Variants in XRCC1 observed in about 807,000 individuals in gnomAD.
The protein encoded by XRCC1 is X-ray repair cross complementing 1.
XRCC1 carries 52 observed loss-of-function variants against 83.3 expected under a neutral mutation model. The observed-to-expected ratio is 0.62, with a 90% CI of 0.50 to 0.79. The LOEUF (loss-of-function observed/expected upper bound fraction) is 0.79, where lower values mean the gene tolerates loss of function less well. XRCC1 is among the 30% of genes least tolerant of loss of function. XRCC1 has a pLI of 0.00. For missense variants in XRCC1, 793 were observed against 823.5 expected (o/e 0.96, Z 0.45); for synonymous variants, 281 against 312.6 (o/e 0.90, Z 1.07).
chr19:43,560,256 C>T (rs980917345), intron 3 of XRCC1, among the ~76,000 whole-genome samples: 1 of 150,226 alleles, frequency 6.7e-6, no homozygotes, highest in Non-Finnish European at 1.5e-5. Flanking sequence ...GTTAGCCGGG[C>T]GTGGTGGTGG....
intron 3 of XRCC1, among the ~76,000 whole-genome samples, chr19:43,558,445 G>A (rs955478126): frequency 2.6e-5 from 4 of 152,040 alleles, no homozygotes; most frequent in Non-Finnish European, 4.4e-5. Context: ...AGACCAGCCT[G>A]GGCAACACAG....
intron 10 of XRCC1, among the ~76,000 whole-genome samples, chr19:43,550,521 C>T (rs1201061253): frequency 6.6e-6 from 1 of 152,180 alleles, no homozygotes; most frequent in Non-Finnish European, 1.5e-5. Context: ...CAAATAATTT[C>T]TCAAATACAC....
chr19:43,546,949 T>C lies in XRCC1; in HGVS notation c.1228A>G (p.Ser410Gly), dbSNP rs1972518552. ...CTGTGAGAGGCCTCATCCTCCTCAC[T>C]GCTGGAACCTGGCCCTGCCATGAGG... is the stretch of plus-strand genomic sequence containing the variant. ...RYLMAGPGSS[S>G]EEDEASHSGG... Residue 410 changes from serine to glycine, a missense_variant, in exon 11 of 17, where the codon AGT (serine) becomes GGT (glycine). Coordinates refer to ENST00000262887, the MANE Select transcript of XRCC1 (RefSeq NM_006297.3). 1.2e-6 allele frequency: 2 copies of C among 1,613,990 alleles called. No individual in the cohort carries two copies. The highest frequency in any genetic ancestry group is 1.7e-6 in the Non-Finnish European group (2 of 1,179,990).
rs890838897 is a variant in XRCC1, at chr19:43,544,333, T to C, written c.1622-99A>G. On this transcript the variant is annotated intron_variant, in intron 14 of 16. Transcript: ENST00000262887. ...CTGACCCAGCAGCTGAGGAGAGGGC[T>C]GTCCACATGTGGGCAGGGATTGATG... 5.9e-6 allele frequency: 6 copies of C among 1,010,150 alleles called. No homozygotes were observed. The Admixed American group carries it at 1.3e-4, about 22-fold the overall frequency. The allele number at this position is 1,010,150 out of a possible 1,614,324, so 62.6% of individuals were successfully genotyped here.
At chr19:43,546,844 T>G in intron 11 of XRCC1, 40 bp downstream of exon 11, 1 of 1,609,160 alleles carries the variant, frequency 6.2e-7, no homozygotes, top group Non-Finnish European at 8.5e-7. Context: ...CATGTCATCC[T>G]CCCACTACAC....
intron 3 of XRCC1, among the ~76,000 whole-genome samples, chr19:43,556,027 T>C (rs1240437494): frequency 3.3e-5 from 5 of 152,152 alleles, no homozygotes; most frequent in African/African-American, 1.2e-4. Context: ...TAGCTGGGTC[T>C]AGAGATGCAC....
In XRCC1 at chr19:43,554,396, C is replaced by T. The variant is rs373678187; in HGVS notation, c.414+250G>A. Reference sequence around the variant, plus strand: ...CTACTAGGCCACCTCTCTAACAAGTCAGTTCCCCTCCTCCGATTCCCCTCT... The same window carrying T: ...CTACTAGGCCACCTCTCTAACAAGTTAGTTCCCCTCCTCCGATTCCCCTCT... On this transcript the variant is annotated intron_variant, in intron 4 of 16. Transcript: ENST00000262887. 7.9e-5 allele frequency among the ~76,000 whole-genome samples: 12 copies of T among 152,312 alleles called. No homozygotes were observed. The East Asian group carries it at 1.3e-3, about 17-fold the overall frequency.
chr19:43,560,109 G>A (rs1203683812), intron 3 of XRCC1, among the ~76,000 whole-genome samples: 4 of 151,754 alleles, frequency 2.6e-5, no homozygotes, highest in Non-Finnish European at 5.9e-5. Flanking sequence ...AGAAAAAGAA[G>A]GCCAGGCGCA....
chr19:43,544,350 G>A (rs902209026), intron 14 of XRCC1, 116 bp from the exon 15 acceptor site: 1 of 860,318 alleles, frequency 1.2e-6, no homozygotes, highest in Non-Finnish European at 1.8e-6. Flanking sequence ...ATGTGGGCAG[G>A]GATTGATGGC....
chr19:43,543,341 C>CGTTT lies in XRCC1; in HGVS notation c.*50_*51insAAAC, dbSNP rs141718622. 3 of 1,043,318 alleles carry CGTTT rather than the reference C, an allele frequency of 2.9e-6. No homozygotes were observed. The African/African-American group carries it at 5.3e-5, about 19-fold the overall frequency. The allele number at this position is 1,043,318 out of a possible 1,614,324, so 64.6% of individuals were successfully genotyped here. A position where few individuals can be genotyped will look rare whatever the true frequency, so the allele number is the denominator to read the frequency against. On this transcript the variant is annotated 3_prime_UTR_variant, in exon 17 of 17. Coordinates refer to ENST00000262887, the MANE Select transcript of XRCC1 (RefSeq NM_006297.3). ...ACCAACTCATCTTTATTAAATGCAT[C>CGTTT]GTGTGTGTGTGTGTGTGTGTGTGTG... is the stretch of plus-strand genomic sequence containing the variant.
At chr19:43,559,429 G>C (rs752571895) in intron 3 of XRCC1, among the ~76,000 whole-genome samples, 49 of 126,996 alleles carry the variant, frequency 3.9e-4, no homozygotes, top group Non-Finnish European at 7.4e-4. Context: ...GCAGTGAGCC[G>C]AGATCGCGCC....
intron 2 of XRCC1, among the ~76,000 whole-genome samples, chr19:43,561,512 C>T (rs1224313124): frequency 6.6e-6 from 1 of 152,194 alleles, no homozygotes; most frequent in East Asian, 1.9e-4. Flanking sequence ...TATGACCATA[C>T]CAGTTAACCT....
intron 2 of XRCC1, among the ~76,000 whole-genome samples, chr19:43,569,014 T>C (rs1179090874): frequency 2.0e-5 from 3 of 149,938 alleles, no homozygotes; most frequent in Non-Finnish European, 4.4e-5. Flanking sequence ...TGTGGTGGTG[T>C]GCACCTATAG....
intron 2 of XRCC1, among the ~76,000 whole-genome samples, chr19:43,569,288 C>T (rs1464649221): frequency 6.6e-6 from 1 of 151,906 alleles, no homozygotes; most frequent in Non-Finnish European, 1.5e-5. Context: ...GCCTAGACAA[C>T]ACAGTGAGAC....
At chr19:43,569,128 A>G (rs1256680887) in intron 2 of XRCC1, among the ~76,000 whole-genome samples, 1 of 152,002 alleles carries the variant, frequency 6.6e-6, no homozygotes, top group Non-Finnish European at 1.5e-5. Flanking sequence ...AAAATCAAAT[A>G]TAAATAAATA....
At position 43,575,507 on chromosome 19, in the gene XRCC1, G is replaced by GCA. The variant is rs1344587755; in HGVS notation, c.-50_-49insTG. ...GCCAGAAGGATGAGGTAGAGTATGG[G>GCA]GTCCGAGGGGCAGGGAGAGTGGGAG... is the stretch of plus-strand genomic sequence containing the variant. On this transcript the variant is annotated 5_prime_UTR_variant, in exon 1 of 17. Coordinates refer to ENST00000262887, the MANE Select transcript of XRCC1 (RefSeq NM_006297.3). The GCA allele has an allele frequency of 6.3e-7, 1 of 1,592,940 alleles. No homozygotes were observed. Among genetic ancestry groups the GCA allele is most frequent in the Non-Finnish European group, 8.6e-7 (1 of 1,164,810 alleles).
chr19:43,544,151 A>G lies in XRCC1; in HGVS notation c.1705T>C (p.Phe569Leu), dbSNP rs1276652862. ...RRKLIRYVTA[F>L]NGELEDYMSD... ...CAGTCCCTGGAGACTCACCCATTGA[A>G]GGCTGTGACGTATCGGATGAGTTTC... The change falls in exon 15 of 17, where the codon TTC becomes CTC. Residue 569 changes from phenylalanine (F) to leucine (L), a missense_variant. By Grantham distance (22) the Phe-to-Leu change is conservative. Coordinates refer to ENST00000262887, the MANE Select transcript of XRCC1 (RefSeq NM_006297.3). 9 of 1,607,610 alleles carry G rather than the reference A, an allele frequency of 5.6e-6. No individual in the cohort carries two copies. The highest frequency in any genetic ancestry group is 7.6e-6 in the Non-Finnish European group (9 of 1,177,102).
chr19:43,547,047 C>A, intron 10 of XRCC1, 70 bp from the exon 11 acceptor site: 2 of 1,449,070 alleles, frequency 1.4e-6, no homozygotes, highest in South Asian at 1.2e-5. Context: ...GAGGCAACAG[C>A]CATTGGCATT....
rs774410399 is a variant in XRCC1, at chr19:43,575,403, C to T, written c.51+5G>A. 6.2e-7 allele frequency: 1 copy of T among 1,602,868 alleles called. No individual in the cohort carries two copies. The highest frequency in any genetic ancestry group is 1.1e-5 in the South Asian group (1 of 90,454). On this transcript the variant is annotated splice_donor_5th_base_variant and intron_variant, in intron 1 of 16. Coordinates refer to ENST00000262887, the MANE Select transcript of XRCC1 (RefSeq NM_006297.3). ...CTTCCAACCTCCCCCATGCAGGTCC[C>T]TCACCGAGTCCTGGCTGCTGCAGGA...
Sources: allele counts gnomAD v4.1 joint callset (sites outside exome capture counted in the v4.1 genomes callset), GRCh38; gene constraint gnomAD v4.1.1; transcripts MANE v1.5; gene names NCBI Gene and HGNC (gene_info 2026-07-23, HGNC 2026-07-21).